The following KMT5B variants were observed in gnomAD, a reference collection of about 807,000 sequenced individuals.
The protein encoded by KMT5B is lysine methyltransferase 5B.
Under a neutral mutation model 83.2 loss-of-function variants are expected in KMT5B, and 10 were observed. The ratio of observed to expected loss-of-function variants is 0.12; its 90% CI spans 0.07 to 0.20. The LOEUF is 0.20. Among genes scored for constraint, KMT5B ranks in the 10% least tolerant of loss-of-function variants. KMT5B has a pLI of 1.00. For synonymous variants in KMT5B, 349 were observed against 388.8 expected (o/e 0.90, Z 1.20); for missense variants, 753 against 1,067.2 (o/e 0.71, Z 4.10).
At position 68,195,563 on chromosome 11, in the gene KMT5B, C is replaced by T. The variant is rs374836498; in HGVS notation, c.-76-5411G>A. Among the ~76,000 whole-genome samples, 63 of 152,278 alleles carry T rather than the reference C, an allele frequency of 4.1e-4. 1 individual carries two copies. In the South Asian group the frequency reaches 0.013, roughly 31 times the overall value. Reference sequence around the variant, plus strand: ...CAGAAAGCACCTACCATGTCCAGGGCACATACATGGTAACAAGATTATGTT... The same window carrying T: ...CAGAAAGCACCTACCATGTCCAGGGTACATACATGGTAACAAGATTATGTT... On this transcript the variant is annotated intron_variant, in intron 1 of 10. Transcript: ENST00000304363.
chr11:68,157,776 C>T lies in KMT5B; in HGVS notation c.2570G>A (p.Arg857His). The part of the protein sequence containing the change: ...DDFIPLPPAK[R>H]LRLIVGKDSI... ...GTCTTTTCCAACTATTAACCTCAAGCGCTTAGCTGGAGGAAGAGGAATAAA... is the reference window on the plus strand; with the variant it reads ...GTCTTTTCCAACTATTAACCTCAAGTGCTTAGCTGGAGGAAGAGGAATAAA... The change falls in exon 11 of 11, where the codon CGC (arginine) becomes CAC (histidine). Residue 857 changes from arginine to histidine, a missense_variant. Coordinates refer to ENST00000304363, the MANE Select transcript of KMT5B (RefSeq NM_017635.5). 1.2e-6 allele frequency: 2 copies of T among 1,614,034 alleles called. No individual in the cohort carries two copies. Among genetic ancestry groups the T allele is most frequent in the Non-Finnish European group, 1.7e-6 (2 of 1,180,002 alleles).
intron 4 of KMT5B, among the ~76,000 whole-genome samples, chr11:68,175,944 TCA>T (rs1449896948): frequency 7.1e-6 from 1 of 141,558 alleles, no homozygotes; most frequent in Non-Finnish European, 1.5e-5. Flanking sequence ...AGATGGAGTC[TCA>T]CTCTGTGGCC....
intron 1 of KMT5B, among the ~76,000 whole-genome samples, chr11:68,195,477 T>G (rs151278473): frequency 8.6e-4 from 131 of 152,324 alleles, no homozygotes; most frequent in African/African-American, 3.1e-3. Flanking sequence ...AGGGTCCTGT[T>G]ACATAGTTGC....
intron 1 of KMT5B, among the ~76,000 whole-genome samples, chr11:68,199,462 C>T (rs1001001109): frequency 6.6e-6 from 1 of 152,000 alleles, no homozygotes; most frequent in Non-Finnish European, 1.5e-5. Flanking sequence ...CAGAGGCTGG[C>T]GTGGCTGGGG....
intron 2 of KMT5B, among the ~76,000 whole-genome samples, chr11:68,188,557 C>T (rs1349215894): frequency 6.6e-6 from 1 of 151,912 alleles, no homozygotes; most frequent in Non-Finnish European, 1.5e-5. Flanking sequence ...AGGGTTTCAC[C>T]ATGTTGCCCA....
Position 68,180,194 on chromosome 11 carries a change from A to G in KMT5B, c.315T>C (p.Phe105=). 6.4e-7 allele frequency: 1 copy of G among 1,567,260 alleles called. No homozygotes were observed. The highest frequency in any genetic ancestry group is 1.1e-5 in the South Asian group (1 of 87,740). The change falls in exon 4 of 11, where the codon TTT becomes TTC. Residue 105 remains phenylalanine (F), a synonymous_variant. Coordinates refer to ENST00000304363, the MANE Select transcript of KMT5B (RefSeq NM_017635.5). ...FQTHKMNTSA[F]PSRSSRHFSK... is the part of the protein sequence containing the mutation. ...AAAAATGCCTTGAGCTCCTCGAAGG[A>G]AAGGCGCTATATAAATGCAAAAACA...
intron 1 of KMT5B, among the ~76,000 whole-genome samples, chr11:68,191,235 A>G (rs1858025986): frequency 6.7e-6 from 1 of 149,246 alleles, no homozygotes; most frequent in South Asian, 2.1e-4. Context: ...TATGTTGCCC[A>G]GACTGGTCTC....
chr11:68,174,191 G>A (rs1488974300), intron 5 of KMT5B: 2 of 533,910 alleles, frequency 3.7e-6, no homozygotes, highest in East Asian at 9.0e-5. Context: ...CAGCCTGGGT[G>A]ACAGAGCAAG....
At chr11:68,181,882 T>C (rs926056053) in intron 3 of KMT5B, among the ~76,000 whole-genome samples, 1 of 152,192 alleles carries the variant, frequency 6.6e-6, no homozygotes, top group East Asian at 1.9e-4. Flanking sequence ...TGGTGGGAAG[T>C]AGGCAGGCCG....
intron 3 of KMT5B, among the ~76,000 whole-genome samples, chr11:68,184,038 A>G (rs1486233579): frequency 1.3e-5 from 2 of 152,154 alleles, no homozygotes; most frequent in African/African-American, 2.4e-5. Flanking sequence ...CTCCATTCCA[A>G]TATTTCACAC....
At chr11:68,191,173 TTGTGTG>T (rs71040600) in intron 1 of KMT5B, among the ~76,000 whole-genome samples, 103 of 139,280 alleles carry the variant, frequency 7.4e-4, no homozygotes, top group South Asian at 7.3e-3. Flanking sequence ...TTTTAAAACT[TTGTGTG>T]TGTGTGTGTG....
intron 3 of KMT5B, among the ~76,000 whole-genome samples, chr11:68,183,665 CTTT>C (rs373952720): frequency 2.4e-5 from 3 of 126,520 alleles, no homozygotes; most frequent in Admixed American, 8.4e-5. Context: ...AGTCCTGTAT[CTTT>C]TTTTTTTTTT....
chr11:68,172,425 T>TG (rs1855926148), intron 6 of KMT5B, among the ~76,000 whole-genome samples: 1 of 151,392 alleles, frequency 6.6e-6, no homozygotes, highest in Non-Finnish European at 1.5e-5. Context: ...TTACTAGAGA[T>TG]GGAGTTTCAC....
chr11:68,189,990 T>C lies in KMT5B; in HGVS notation c.87A>G (p.Gln29=), dbSNP rs1857866003. Residue 29 remains glutamine, a synonymous_variant, in exon 2 of 11, where the codon CAA becomes CAG. Coordinates refer to ENST00000304363, the MANE Select transcript of KMT5B (RefSeq NM_017635.5). ...GKLSNDHQQN[Q]SKLQHTGKDT... The stretch of plus-strand genomic sequence containing the variant: ...CCTTCCCCGTGTGCTGTAATTTTGA[T>C]TGATTCTGCTGATGGTCATTAGACA... 1 of 1,614,100 alleles carries C rather than the reference T, an allele frequency of 6.2e-7. No individual in the cohort carries two copies. The highest frequency in any genetic ancestry group is 8.5e-7 in the Non-Finnish European group (1 of 1,180,044).
At chr11:68,195,963 C>A (rs564373453) in intron 1 of KMT5B, among the ~76,000 whole-genome samples, 187 of 152,198 alleles carry the variant, frequency 1.2e-3, no homozygotes, top group Non-Finnish European at 1.8e-3. Context: ...TTGAGACCAG[C>A]CTCGCCAACA....
At position 68,158,338 on chromosome 11, in the gene KMT5B, G is replaced by A; in HGVS notation, c.2008C>T (p.Pro670Ser). Residue 670 changes from proline (P) to serine (S), a missense_variant, in exon 11 of 11, where the codon CCT (proline) becomes TCT (serine). Around this residue, in one of 9 missense-constraint regions of KMT5B, gnomAD observed 397 missense variants for 395.9 expected, o/e 1.00. Coordinates refer to ENST00000304363, the MANE Select transcript of KMT5B (RefSeq NM_017635.5). Reference sequence around the variant, plus strand: ...ACAACTGAACAACCGACGGGTGAAGGAGCACAGTCTGTGTAGCTCACAGGC... The same window carrying A: ...ACAACTGAACAACCGACGGGTGAAGAAGCACAGTCTGTGTAGCTCACAGGC... ...GVPVSYTDCA[P>S]SPVGCSVVTS... The A allele has an allele frequency of 1.2e-6, 2 of 1,614,124 alleles. No homozygotes were observed. Among genetic ancestry groups the A allele is most frequent in the Non-Finnish European group, 1.7e-6 (2 of 1,180,008 alleles).
intron 1 of KMT5B, among the ~76,000 whole-genome samples, chr11:68,203,751 G>T (rs1023178711): frequency 6.6e-6 from 1 of 152,138 alleles, no homozygotes; most frequent in Non-Finnish European, 1.5e-5. Flanking sequence ...GTAGTTCAAC[G>T]GGGTGTTAGT....
At chr11:68,213,519 C>T (rs1240590609), upstream of KMT5B, 1 of 151,590 alleles carries the variant, frequency 6.6e-6, no homozygotes, top group Non-Finnish European at 1.5e-5. Context: ...CGTCCGCCGG[C>T]TTCAGGACTC....
chr11:68,203,421 T>C (rs1395951074), intron 1 of KMT5B, among the ~76,000 whole-genome samples: 2 of 152,230 alleles, frequency 1.3e-5, no homozygotes, highest in African/African-American at 4.8e-5. Flanking sequence ...CAAAAGGACT[T>C]GACATCAAAG....
Sources: allele counts gnomAD v4.1 joint callset (sites outside exome capture counted in the v4.1 genomes callset), GRCh38; gene constraint gnomAD v4.1.1; regional missense constraint gnomAD v4.1.1; transcripts MANE v1.5; gene names NCBI Gene and HGNC (gene_info 2026-07-23, HGNC 2026-07-21).